The following ZNF385C variants were observed in gnomAD, a reference collection of about 807,000 sequenced individuals.
ZNF385C encodes the protein zinc finger protein 385C, also known as CTD-2132N18.2.
Under a neutral mutation model 35.4 loss-of-function variants are expected in ZNF385C, and 28 were observed. That is an observed-to-expected ratio of 0.79 (90% CI 0.59 to 1.08). ZNF385C has a LOEUF of 1.08. ZNF385C is among the 50% of genes least tolerant of loss of function. The pLI is 0.00. For missense variants in ZNF385C, 605 were observed against 595.6 expected, an observed-to-expected ratio of 1.02 and a Z score of -0.16; for synonymous variants, 248 against 248.2, an observed-to-expected ratio of 1.00 and a Z score of 0.01.
rs573203277 is a variant in ZNF385C, at chr17:42,033,614, G to A, written c.510+611C>T. The stretch of plus-strand genomic sequence containing the variant: ...AAAAATATAAAAAAATTAGCCAGGC[G>A]TGGTAGCACATGCCTGTAATCCCAG... On this transcript the variant is annotated intron_variant, in intron 4 of 8. Coordinates refer to ENST00000692273, the MANE Select transcript of ZNF385C (RefSeq NM_001392013.1). Among the ~76,000 whole-genome samples the A allele has an allele frequency of 1.8e-4, 27 of 152,248 alleles. No homozygotes were observed. In the South Asian group the frequency reaches 3.3e-3, roughly 19 times the overall value.
At chr17:42,034,405 A>G in intron 3 of ZNF385C, 70 bp from the exon 4 acceptor site, 1 of 1,094,108 alleles carries the variant, frequency 9.1e-7, no homozygotes, top group Non-Finnish European at 1.3e-6. Flanking sequence ...GGGCAGCACA[A>G]AATGCCCAAA....
chr17:42,067,271 C>T (rs76974862), intron 1 of ZNF385C, among the ~76,000 whole-genome samples: 2,252 of 152,220 alleles, frequency 0.015, 24 homozygotes, highest in Middle Eastern at 0.017. Context: ...TTTTAGGATC[C>T]AGAACTGAGA....
chr17:42,098,251 C>T (rs2053937264), intron 1 of ZNF385C, among the ~76,000 whole-genome samples, 159 bp downstream of exon 1: 1 of 152,242 alleles, frequency 6.6e-6, no homozygotes, highest in African/African-American at 2.4e-5. Context: ...CAGCAGATGC[C>T]CAACGTCGGC....
chr17:42,027,697 A>C lies in ZNF385C; in HGVS notation c.1196T>G (p.Leu399Arg). 1 of 1,612,870 alleles carries C rather than the reference A, an allele frequency of 6.2e-7. No homozygotes were observed. The change falls in exon 8 of 9, where the codon CTG (leucine) becomes CGG (arginine). Residue 399 changes from leucine (L) to arginine (R), a missense_variant. Coordinates refer to ENST00000692273, the MANE Select transcript of ZNF385C (RefSeq NM_001392013.1). ...HMSSRRHKDR[L>R]AGKTPKPSSQ... ...GGAGGGCTTGGGGGTCTTCCCGGCC[A>C]GGCGGTCTTTGTGCCTCCTGCTGCT... is the stretch of plus-strand genomic sequence containing the variant.
chr17:42,067,623 G>T (rs1223548454), intron 1 of ZNF385C, among the ~76,000 whole-genome samples: 3 of 152,156 alleles, frequency 2.0e-5, no homozygotes, highest in African/African-American at 7.2e-5. Flanking sequence ...GCACACTGGA[G>T]GTCACTGCCA....
At chr17:42,075,950 G>A (rs967524398) in intron 1 of ZNF385C, among the ~76,000 whole-genome samples, 4 of 152,080 alleles carry the variant, frequency 2.6e-5, no homozygotes, top group Non-Finnish European at 5.9e-5. Context: ...GAGCGTCCTT[G>A]AAACCCCCAG....
At chr17:42,040,939 T>C in intron 2 of ZNF385C, 1 of 1,232,156 alleles carries the variant, frequency 8.1e-7, no homozygotes, top group Non-Finnish European at 1.0e-6. Context: ...CCAGGCCAGC[T>C]TGGGTGCAGA....
rs373101910 is a variant in ZNF385C, at chr17:42,098,434, C to T, written c.-27G>A. 1 of 151,248 alleles carries T rather than the reference C, an allele frequency of 6.6e-6. No homozygotes were observed. Among genetic ancestry groups the T allele is most frequent in the South Asian group, 2.1e-4 (1 of 4,756 alleles). The allele number at this position is 151,248 out of a possible 1,614,324, so 9.4% of individuals were successfully genotyped here. A position where few individuals can be genotyped will look rare whatever the true frequency, so the allele number is the denominator to read the frequency against. ...CCTGCGGGGCAGAGACGGAGCCCGC[C>T]GCGGCCACCTGCTCTCGCCTGGCTG... On this transcript the variant is annotated 5_prime_UTR_variant, in exon 1 of 9. Transcript: ENST00000692273.
intron 2 of ZNF385C, chr17:42,042,799 C>T: frequency 5.7e-6 from 7 of 1,231,094 alleles, no homozygotes; most frequent in Non-Finnish European, 7.1e-6. Context: ...CCTCCCTTCC[C>T]AAGCCCTTCC....
At position 42,037,808 on chromosome 17, in the gene ZNF385C, C is replaced by A. The variant is rs1555655632; in HGVS notation, c.328G>T (p.Asp110Tyr). 4 of 1,525,310 alleles carry A rather than the reference C, an allele frequency of 2.6e-6. No individual in the cohort carries two copies. The Admixed American group carries it at 6.3e-5, about 24-fold the overall frequency. The allele number at this position is 1,525,310 out of a possible 1,614,324, so 94.5% of individuals were successfully genotyped here. Residue 110 changes from aspartate to tyrosine, a missense_variant, in exon 3 of 9, where the codon GAC becomes TAC. By Grantham distance (160) the Asp-to-Tyr change is radical. Coordinates refer to ENST00000692273, the MANE Select transcript of ZNF385C (RefSeq NM_001392013.1). ...LPTRPLQPPL[D>Y]FKHLLAFHFN... ...TGGAAGGCGAGCAAGTGCTTGAAGTCCAGCGGGGGCTGCAGAGGCCGGGTG... is the reference window on the plus strand; with the variant it reads ...TGGAAGGCGAGCAAGTGCTTGAAGTACAGCGGGGGCTGCAGAGGCCGGGTG...
At chr17:42,047,870 G>A (rs1046699763) in intron 2 of ZNF385C, among the ~76,000 whole-genome samples, 7 of 151,696 alleles carry the variant, frequency 4.6e-5, no homozygotes, top group Non-Finnish European at 1.0e-4. Flanking sequence ...GGTCAGGCTG[G>A]TCTCGAACTC....
chr17:42,043,269 A>G lies in ZNF385C; in HGVS notation c.251-5384T>C, dbSNP rs1174980276. On this transcript the variant is annotated intron_variant, in intron 2 of 8. Coordinates refer to ENST00000692273, the MANE Select transcript of ZNF385C (RefSeq NM_001392013.1). The stretch of plus-strand genomic sequence containing the variant: ...AGAACATCAGCTTCCGCTCATAGTC[A>G]AAGTCCAGCCAGGTAAACTCCTCTT... 9.7e-6 allele frequency: 12 copies of G among 1,232,148 alleles called. 1 individual carries two copies. Among genetic ancestry groups the G allele is most frequent in the African/African-American group, 7.8e-5 (5 of 64,436 alleles). The allele number at this position is 1,232,148 out of a possible 1,614,324, so 76.3% of individuals were successfully genotyped here.
chr17:42,076,482 C>T (rs1005925953), intron 1 of ZNF385C, among the ~76,000 whole-genome samples: 15 of 152,148 alleles, frequency 9.9e-5, no homozygotes, highest in Middle Eastern at 3.4e-3. Context: ...ATTAGCTGGG[C>T]GTGGTGGCGG....
rs578058003 is a variant in ZNF385C at position 42,081,982 on chromosome 17, G to A, written c.-3+16428C>T. 3.9e-5 allele frequency among the ~76,000 whole-genome samples: 6 copies of A among 152,270 alleles called. No homozygotes were observed. The East Asian group carries it at 5.8e-4, about 15-fold the overall frequency. ...TCAGAGTCTTCCTCACACTGAGCCT[G>A]GCCACACTGCATGGGACCACCTGCT... On this transcript the variant is annotated intron_variant, in intron 1 of 8. Transcript: ENST00000692273.
intron 2 of ZNF385C, among the ~76,000 whole-genome samples, chr17:42,055,013 G>A (rs1289485760): frequency 6.6e-6 from 1 of 152,108 alleles, no homozygotes; most frequent in African/African-American, 2.4e-5. Flanking sequence ...CTGAGCACCT[G>A]GTGGCTGGGA....
rs2053909364 is a variant in ZNF385C, at chr17:42,095,546, C to G, written c.-3+2864G>C. On this transcript the variant is annotated intron_variant, in intron 1 of 8. Transcript: ENST00000692273. The surrounding 1 kb of genome is among the most constrained non-coding windows in gnomAD (Gnocchi z 4.4). The stretch of plus-strand genomic sequence containing the variant: ...CTCCTTGCTCCTGGGGTCCAGTGAC[C>G]CACACCCTCACCACACACAGGAGAG... Among the ~76,000 whole-genome samples the G allele has an allele frequency of 6.6e-6, 1 of 152,124 alleles. No homozygotes were observed. The highest frequency in any genetic ancestry group is 2.4e-5 in the African/African-American group (1 of 41,420).
chr17:42,043,506 C>CTGTTA (rs2053078358), intron 2 of ZNF385C: 2 of 685,418 alleles, frequency 2.9e-6, no homozygotes, highest in Non-Finnish European at 4.1e-6. Flanking sequence ...GCCCGCCAGG[C>CTGTTA]TAACAGGGCC....
intron 2 of ZNF385C, among the ~76,000 whole-genome samples, chr17:42,044,113 C>G (rs377263339): frequency 7.3e-6 from 1 of 137,212 alleles, no homozygotes; most frequent in East Asian, 2.2e-4. Context: ...CAAGACCAGC[C>G]TGGGCAACAT....
chr17:42,074,966 T>C (rs1028037855), intron 1 of ZNF385C, among the ~76,000 whole-genome samples: 14 of 152,208 alleles, frequency 9.2e-5, no homozygotes, highest in Admixed American at 7.2e-4. Flanking sequence ...CCTAACAAGA[T>C]GGCCCATTCC....
Sources: gnomAD v4.1 joint callset for allele counts (sites outside exome capture counted in the v4.1 genomes callset) on GRCh38, gnomAD v4.1.1 for gene constraint, Gnocchi (gnomAD v3.1) non-coding constraint, MANE v1.5 for transcripts, NCBI Gene and HGNC (gene_info 2026-07-23, HGNC 2026-07-21) for gene names.